The following SATB2 variants were observed in gnomAD, a reference collection of about 807,000 sequenced individuals.
SATB2 encodes the protein SATB homeobox 2, also known as DNA-binding protein SATB2.
A neutral mutation model predicts 73.4 loss-of-function variants in SATB2; 1 was observed. That is an observed-to-expected ratio of 0.01 (90% confidence interval 0.00 to 0.06). The LOEUF is 0.06. SATB2 is among the 10% of genes least tolerant of loss of function. The pLI, the probability that SATB2 is intolerant of heterozygous loss-of-function variation, is 1.00. For synonymous variants in SATB2, 397 were observed against 367.0 expected (o/e 1.08, Z -0.93); for missense variants, 459 against 945.8 (o/e 0.49, Z 6.75).
intron 7 of SATB2, among the ~76,000 whole-genome samples, chr2:199,339,383 T>G (rs1160199059): frequency 6.6e-6 from 1 of 152,184 alleles, no homozygotes; most frequent in East Asian, 1.9e-4. Flanking sequence ...GATCCTGAAA[T>G]GAAAGACTGT....
chr2:199,376,546 G>A (rs979955042), intron 5 of SATB2, among the ~76,000 whole-genome samples: 1 of 152,076 alleles, frequency 6.6e-6, no homozygotes, highest in Non-Finnish European at 1.5e-5. Flanking sequence ...ATGCTGCAAG[G>A]CACAGGACAG....
intron 3 of SATB2, among the ~76,000 whole-genome samples, chr2:199,388,216 T>C (rs192148567): frequency 6.6e-6 from 1 of 152,326 alleles, no homozygotes; most frequent in Non-Finnish European, 1.5e-5. Context: ...CAACAACTTT[T>C]TTCTTGTGTC....
intron 2 of SATB2, among the ~76,000 whole-genome samples, chr2:199,441,187 A>G (rs954529259): frequency 2.6e-5 from 4 of 152,078 alleles, no homozygotes; most frequent in African/African-American, 9.7e-5. Context: ...CATACATACA[A>G]TAATTCAATT....
At chr2:199,440,852 C>CT (rs11291122) in intron 2 of SATB2, among the ~76,000 whole-genome samples, 146 of 143,808 alleles carry the variant, frequency 1.0e-3, no homozygotes, top group African/African-American at 3.6e-3. Context: ...ATCATAATTA[C>CT]TTTTTTTTTT....
Position 199,329,083 on chromosome 2 carries a change from C to T in SATB2, c.1174-173G>A, listed in dbSNP as rs1364847787. 18 of 669,158 alleles carry T rather than the reference C, an allele frequency of 2.7e-5. 1 individual carries two copies. Among genetic ancestry groups the T allele is most frequent in the African/African-American group, 8.9e-5 (5 of 56,278 alleles). The allele number at this position is 669,158 out of a possible 1,614,324, so 41.5% of individuals were successfully genotyped here. ...ATATGAAGTCAATGTGCTTGCCTTC[C>T]GGGGGATATGCATTATTTTAGGACT... is the stretch of plus-strand genomic sequence containing the variant. On this transcript the variant is annotated intron_variant, in intron 7 of 10. Transcript: ENST00000417098.
In SATB2 at chr2:199,297,787, C is replaced by T. The variant is rs557700771; in HGVS notation, c.1740+10973G>A. On this transcript the variant is annotated intron_variant, in intron 10 of 10. Transcript: ENST00000417098. Reference sequence around the variant, plus strand: ...TACAGAGGCTGAAGTAGCCTTTTTGCTTTTTAAGCTTAAAAAAAAAAAAAC... The same window carrying T: ...TACAGAGGCTGAAGTAGCCTTTTTGTTTTTTAAGCTTAAAAAAAAAAAAAC... Among the ~76,000 whole-genome samples, 8 of 112,220 alleles carry T rather than the reference C, an allele frequency of 7.1e-5. No homozygotes were observed. In the South Asian group the frequency reaches 2.0e-3, roughly 28 times the overall value. The allele number at this position is 112,220 out of a possible 152,430, so 73.6% of individuals were successfully genotyped here.
intron 2 of SATB2, among the ~76,000 whole-genome samples, chr2:199,450,473 C>A (rs1427331194): frequency 6.6e-6 from 1 of 151,940 alleles, no homozygotes; most frequent in African/African-American, 2.4e-5. Context: ...ATAAAGAATT[C>A]TTTATTAATT....
chr2:199,396,155 T>C (rs189628829), intron 3 of SATB2: 2 of 152,370 alleles, frequency 1.3e-5, no homozygotes, highest in East Asian at 3.9e-4. Context: ...GGGCCCAATT[T>C]GTCTTTTTGA....
At chr2:199,426,692 C>CAAAAAAAAAAAAAAAAAAAAAA (rs200293007) in intron 3 of SATB2, among the ~76,000 whole-genome samples, 1 of 128,274 alleles carries the variant, frequency 7.8e-6, no homozygotes, top group African/African-American at 3.3e-5. Flanking sequence ...CATTCTCTCT[C>CAAAAAAAAAAAAAAAAAAAAAA]AAAAAAAAAA....
intron 5 of SATB2, 59 bp downstream of exon 5, chr2:199,380,305 G>A: frequency 6.2e-7 from 1 of 1,607,282 alleles, no homozygotes; most frequent in Non-Finnish European, 8.5e-7. Flanking sequence ...GGAACCCCCT[G>A]ATAGAGAGTC....
chr2:199,295,642 C>A (rs1693008776), intron 10 of SATB2, among the ~76,000 whole-genome samples: 1 of 152,198 alleles, frequency 6.6e-6, no homozygotes, highest in African/African-American at 2.4e-5. Flanking sequence ...CATACTGCTT[C>A]CCAGACTTGC....
intron 6 of SATB2, among the ~76,000 whole-genome samples, chr2:199,362,466 A>ACAGCTGCTTCCCCTGCCAGGTTT (rs1423058629): frequency 2.0e-5 from 3 of 150,738 alleles, no homozygotes; most frequent in Non-Finnish European, 4.4e-5. Context: ...ATCCATTTAT[A>ACAGCTGCTTCCCCTGCCAGGTTT]CAGCTGCTTC....
At chr2:199,324,658 G>C (rs1687982310) in intron 8 of SATB2, among the ~76,000 whole-genome samples, 1 of 152,152 alleles carries the variant, frequency 6.6e-6, no homozygotes, top group African/African-American at 2.4e-5. Flanking sequence ...CAGCTTCAGA[G>C]ACAAATGAAG....
At chr2:199,370,946 C>CAAAAAAAAAAAAAAA (rs67348909) in intron 5 of SATB2, among the ~76,000 whole-genome samples, 2 of 69,546 alleles carry the variant, frequency 2.9e-5, no homozygotes, top group Non-Finnish European at 3.1e-5. Context: ...ATGAACTGAG[C>CAAAAAAAAAAAAAAA]AAAAAAAAAA....
chr2:199,371,507 G>A (rs1188209468), intron 5 of SATB2, among the ~76,000 whole-genome samples: 1 of 151,804 alleles, frequency 6.6e-6, no homozygotes, highest in East Asian at 1.9e-4. Context: ...CTGAAATAGA[G>A]ATCCATCTTA....
chr2:199,468,458 G>C (rs148732953), upstream of SATB2, among the ~76,000 whole-genome samples: 1 of 152,222 alleles, frequency 6.6e-6, no homozygotes, highest in East Asian at 1.9e-4. Flanking sequence ...CAGGGCCTTC[G>C]CTTTGGGCCT....
intron 3 of SATB2, among the ~76,000 whole-genome samples, chr2:199,385,217 C>T (rs1352073290): frequency 6.6e-6 from 1 of 152,172 alleles, no homozygotes; most frequent in Non-Finnish European, 1.5e-5. Flanking sequence ...TCACTGCAAC[C>T]TCTGCCTCCC....
intron 3 of SATB2, among the ~76,000 whole-genome samples, chr2:199,393,635 T>C (rs942633598): frequency 7.9e-5 from 12 of 152,100 alleles, no homozygotes; most frequent in Admixed American, 1.3e-4. Context: ...TAATGATAGC[T>C]TTGATTACTG....
intron 10 of SATB2, among the ~76,000 whole-genome samples, chr2:199,277,379 A>C (rs946262811): frequency 6.6e-6 from 1 of 152,172 alleles, no homozygotes; most frequent in Non-Finnish European, 1.5e-5. Flanking sequence ...TTAGTAGTTG[A>C]CCTTTATTTA....
Sources: gnomAD v4.1 joint callset for allele counts (sites outside exome capture counted in the v4.1 genomes callset) on GRCh38, gnomAD v4.1.1 for gene constraint, MANE v1.5 for transcripts, NCBI Gene and HGNC (gene_info 2026-07-23, HGNC 2026-07-21) for gene names.